DLGAP2: variants seen among roughly 807,000 people sequenced by gnomAD.
The protein encoded by DLGAP2 is DLG associated protein 2, also known as disks large-associated protein 2.
DLGAP2 carries 26 observed loss-of-function variants against 100.3 expected under a neutral mutation model. The observed-to-expected ratio is 0.26, with a 90% CI of 0.19 to 0.36. The LOEUF (loss-of-function observed/expected upper bound fraction) is 0.36. Ranked by LOEUF, DLGAP2 falls within the 10% of genes least tolerant of loss-of-function variation. The pLI, the probability that DLGAP2 is intolerant of heterozygous loss-of-function variation, is 1.00. For missense variants in DLGAP2, 1,858 were observed against 1,453.2 expected, an observed-to-expected ratio of 1.28 and a Z score of -4.53; for synonymous variants, 886 against 630.1, an observed-to-expected ratio of 1.41 and a Z score of -6.08.
chr8:1,356,647 G>A (rs1203265578), intron 3 of DLGAP2, among the ~76,000 whole-genome samples: 2 of 152,220 alleles, frequency 1.3e-5, no homozygotes, highest in African/African-American at 4.8e-5. Flanking sequence ...GTGGGATATG[G>A]TGAAACCGTG....
chr8:1,565,975 A>G, intron 6 of DLGAP2, 81 bp downstream of exon 6: 9 of 1,218,936 alleles, frequency 7.4e-6, no homozygotes, highest in Non-Finnish European at 1.0e-5. Context: ...CTTCACCGTG[A>G]GCTGAGTGCC....
At chr8:1,359,973 C>A (rs993925013) in intron 3 of DLGAP2, among the ~76,000 whole-genome samples, 1 of 152,198 alleles carries the variant, frequency 6.6e-6, no homozygotes, top group South Asian at 2.1e-4. Flanking sequence ...TCCACGGGTC[C>A]TGCCAGCACA....
At chr8:1,491,013 TTAAAG>T (rs1228045615) in intron 3 of DLGAP2, among the ~76,000 whole-genome samples, 1 of 117,422 alleles carries the variant, frequency 8.5e-6, no homozygotes, top group East Asian at 2.4e-4. Flanking sequence ...ACCCTAAAAC[TTAAAG>T]TATAATAATA....
chr8:1,230,560 A>C (rs542600467), intron 2 of DLGAP2, among the ~76,000 whole-genome samples: 4 of 152,336 alleles, frequency 2.6e-5, no homozygotes, highest in African/African-American at 9.6e-5. Context: ...AAGCAATCCT[A>C]TGCAAAAAGA....
rs1023083094 is a variant in DLGAP2 at position 1,704,517 on chromosome 8, T to A, written c.*3111T>A. ...ATGCGTCTCTCGCATCTTCACGTGT[T>A]GTTGTGTTTGAAGTAAAACTAGTTG... On this transcript the variant is annotated 3_prime_UTR_variant, in exon 15 of 15. Coordinates refer to ENST00000637795, the MANE Select transcript of DLGAP2 (RefSeq NM_001346810.2). 1 of 152,248 alleles carries A rather than the reference T, an allele frequency of 6.6e-6. No individual in the cohort carries two copies. Among genetic ancestry groups the A allele is most frequent in the Non-Finnish European group, 1.5e-5 (1 of 68,046 alleles). The allele number at this position is 152,248 out of a possible 1,614,324, so 9.4% of individuals were successfully genotyped here.
chr8:1,524,522 G>T (rs930886337), intron 4 of DLGAP2, among the ~76,000 whole-genome samples: 61 of 152,114 alleles, frequency 4.0e-4, no homozygotes, highest in Non-Finnish European at 6.6e-4. Flanking sequence ...CAAGACCAAG[G>T]TATGGCAGAG....
chr8:1,219,506 G>C (rs1798276212), intron 2 of DLGAP2, among the ~76,000 whole-genome samples: 1 of 152,146 alleles, frequency 6.6e-6, no homozygotes, highest in Non-Finnish European at 1.5e-5. Context: ...TGTGCTGCTG[G>C]ATTTGATTTG....
intron 3 of DLGAP2, among the ~76,000 whole-genome samples, chr8:1,495,731 C>T (rs188807720): frequency 1.1e-4 from 16 of 152,318 alleles, no homozygotes; most frequent in African/African-American, 3.4e-4. Flanking sequence ...AGCTCCAGCT[C>T]GAGTGGTGGC....
chr8:1,212,582 C>G (rs1256138585), intron 2 of DLGAP2, among the ~76,000 whole-genome samples: 2 of 152,014 alleles, frequency 1.3e-5, no homozygotes, highest in Admixed American at 1.3e-4. Flanking sequence ...TAACAAACTG[C>G]AGTCTAGAAT....
At chr8:1,232,211 G>T (rs572554074) in intron 2 of DLGAP2, among the ~76,000 whole-genome samples, 1 of 152,226 alleles carries the variant, frequency 6.6e-6, no homozygotes, top group Non-Finnish European at 1.5e-5. Context: ...TTGCACACTT[G>T]CCGGGGTCAT....
chr8:1,067,516 G>A (rs1237112031), intron 2 of DLGAP2, among the ~76,000 whole-genome samples: 1 of 152,128 alleles, frequency 6.6e-6, no homozygotes, highest in African/African-American at 2.4e-5. Context: ...TCCTCCACAC[G>A]GGGCTATGCC....
chr8:809,692 G>T (rs754973984), intron 1 of DLGAP2, among the ~76,000 whole-genome samples: 29 of 152,148 alleles, frequency 1.9e-4, no homozygotes, highest in Non-Finnish European at 3.8e-4. Context: ...TTTCATGTGA[G>T]CTCACCTCCT....
At position 1,593,067 on chromosome 8, in the gene DLGAP2, A is replaced by T. The variant is rs575744050; in HGVS notation, c.1442+27173A>T. On this transcript the variant is annotated intron_variant, in intron 6 of 14. Transcript: ENST00000637795. ...TAAAAATCTTTTGGGGAGTGATTTC[A>T]ACAAGATAATGGAGTAGGAAGGTCT... is the stretch of plus-strand genomic sequence containing the variant. Among the ~76,000 whole-genome samples the T allele has an allele frequency of 1.6e-3, 240 of 152,290 alleles. 1 individual carries two copies. The highest frequency in any genetic ancestry group is 2.6e-3 in the Admixed American group (39 of 15,286).
chr8:1,202,367 T>C (rs1393684183), intron 2 of DLGAP2, among the ~76,000 whole-genome samples: 1 of 151,952 alleles, frequency 6.6e-6, no homozygotes, highest in Non-Finnish European at 1.5e-5. Flanking sequence ...TCTTGGCACC[T>C]GTTGTGCTGT....
At chr8:1,451,053 C>T (rs959299398) in intron 3 of DLGAP2, among the ~76,000 whole-genome samples, 22 of 152,174 alleles carry the variant, frequency 1.4e-4, no homozygotes, top group African/African-American at 5.1e-4. Context: ...CTCCTGTGGT[C>T]CCTACGGTGG....
chr8:1,500,640 T>A (rs575372402), intron 3 of DLGAP2, among the ~76,000 whole-genome samples: 3 of 152,258 alleles, frequency 2.0e-5, no homozygotes, highest in Non-Finnish European at 4.4e-5. Context: ...GACAAGCTTG[T>A]CTGTCTCCCC....
chr8:1,518,129 C>G (rs1249028247), intron 4 of DLGAP2, among the ~76,000 whole-genome samples: 2 of 152,208 alleles, frequency 1.3e-5, no homozygotes, highest in Non-Finnish European at 2.9e-5. Context: ...GTGGGCATGT[C>G]TAGGTTATTG....
intron 2 of DLGAP2, among the ~76,000 whole-genome samples, chr8:1,118,751 C>G (rs565411155): frequency 6.6e-5 from 10 of 152,222 alleles, no homozygotes; most frequent in Admixed American, 2.6e-4. Flanking sequence ...GTGGTGGGAC[C>G]GTTTTTGAAT....
intron 4 of DLGAP2, among the ~76,000 whole-genome samples, chr8:1,536,009 A>G (rs1238669357): frequency 6.6e-6 from 1 of 152,186 alleles, no homozygotes; most frequent in Non-Finnish European, 1.5e-5. Context: ...TGTGTCGGCT[A>G]TAATGTAACA....
Sources: allele counts gnomAD v4.1 joint callset (sites outside exome capture counted in the v4.1 genomes callset), GRCh38; gene constraint gnomAD v4.1.1; transcripts MANE v1.5; gene names NCBI Gene and HGNC (gene_info 2026-07-23, HGNC 2026-07-21).